Variants in SMTNL2 observed in about 807,000 individuals in gnomAD.
The protein encoded by SMTNL2 is smoothelin-like protein 2.
In SMTNL2, 43 loss-of-function variants were observed where a neutral mutation model predicts 44.1. That is an observed-to-expected ratio of 0.98 (90% CI 0.76 to 1.26). The LOEUF is 1.26. Among genes scored for constraint, SMTNL2 ranks in the 50% most tolerant of loss-of-function variants. SMTNL2 has a pLI of 0.00. For synonymous variants in SMTNL2, 317 were observed against 287.6 expected, an observed-to-expected ratio of 1.10 and a Z score of -1.03; for missense variants, 646 against 670.2, an observed-to-expected ratio of 0.96 and a Z score of 0.40.
rs200675954 is a variant in SMTNL2 at position 4,594,710 on chromosome 17, CTT to C, written c.807-424_807-423del. On this transcript the variant is annotated intron_variant, in intron 4 of 7. Transcript: ENST00000389313. ...GATGGGGGTAGGGTAGCAGGCTTGG[CTT>C]TTTTTTTTTTCTTTAATAATAAAAG... Among the ~76,000 whole-genome samples the C allele has an allele frequency of 7.6e-5, 11 of 145,326 alleles. No individual in the cohort carries two copies. The East Asian group carries it at 8.1e-4, about 11-fold the overall frequency.
Position 4,584,864 on chromosome 17 carries a change from GC to G in SMTNL2, c.261del (p.Ser88AlafsTer58). ...LTRQVEALGL[A>X]SGMSPVPGTP... is the part of the protein sequence containing the mutation. Reference sequence around the variant, plus strand: ...GCGCCAGGTGGAGGCGCTGGGCTTGGCCAGCGGGATGTCCCCGGTGCCCGGC... The same window carrying G: ...GCGCCAGGTGGAGGCGCTGGGCTTGGCAGCGGGATGTCCCCGGTGCCCGGC... On this transcript the variant is annotated frameshift_variant, in exon 1 of 8. Transcript: ENST00000389313. LOFTEE classifies it high-confidence loss of function. 7.6e-7 allele frequency: 1 copy of G among 1,315,210 alleles called. No homozygotes were observed. The highest frequency in any genetic ancestry group is 3.2e-5 in the East Asian group (1 of 30,808). The allele number at this position is 1,315,210 out of a possible 1,614,324, so 81.5% of individuals were successfully genotyped here.
At chr17:4,586,921 A>C (rs576856560) in intron 1 of SMTNL2, among the ~76,000 whole-genome samples, 1 of 152,058 alleles carries the variant, frequency 6.6e-6, no homozygotes, top group East Asian at 1.9e-4. Context: ...ACATGAGGGG[A>C]CTATGGGAAC....
intron 7 of SMTNL2, among the ~76,000 whole-genome samples, chr17:4,604,700 T>C (rs535530636): frequency 2.6e-5 from 4 of 151,732 alleles, no homozygotes; most frequent in Admixed American, 1.3e-4. Context: ...TGAGACAGAG[T>C]CTCGCTCTGT....
intron 1 of SMTNL2, among the ~76,000 whole-genome samples, chr17:4,591,604 G>A (rs75848885): frequency 0.022 from 3,282 of 152,360 alleles, 130 homozygotes; most frequent in African/African-American, 0.075. Flanking sequence ...CCGGAAAAAG[G>A]GCTGGATGTT....
At chr17:4,589,693 G>T (rs1909484572) in intron 1 of SMTNL2, among the ~76,000 whole-genome samples, 1 of 151,952 alleles carries the variant, frequency 6.6e-6, no homozygotes, top group South Asian at 2.1e-4. Flanking sequence ...ATGTGGTCTT[G>T]CCTCTTCCTT....
At position 4,608,156 on chromosome 17, in the gene SMTNL2, G is replaced by C. The variant is rs1910360748; in HGVS notation, c.*669G>C. On this transcript the variant is annotated 3_prime_UTR_variant, in exon 8 of 8. Coordinates refer to ENST00000389313, the MANE Select transcript of SMTNL2 (RefSeq NM_001114974.2). ...CCCCACAAGTGTTTGGCTAAGCACA[G>C]GCTCTCGGGAATTTAACACTTTTGG... The C allele has an allele frequency of 6.6e-6, 1 of 152,182 alleles. No individual in the cohort carries two copies. Among genetic ancestry groups the C allele is most frequent in the Admixed American group, 6.5e-5 (1 of 15,282 alleles). 9.4% of individuals were successfully genotyped at this position (152,182 alleles called of 1,614,324 possible).
chr17:4,586,427 A>G (rs566668763), intron 1 of SMTNL2, among the ~76,000 whole-genome samples: 20 of 151,722 alleles, frequency 1.3e-4, no homozygotes, highest in Admixed American at 9.9e-4. Flanking sequence ...TGCATTTGCT[A>G]TTTGTCTGCT....
chr17:4,606,112 G>C (rs1250318134), intron 7 of SMTNL2, among the ~76,000 whole-genome samples: 1 of 151,686 alleles, frequency 6.6e-6, no homozygotes, highest in Non-Finnish European at 1.5e-5. Flanking sequence ...GCAGCAATGA[G>C]TTTAAGCAAT....
chr17:4,584,659 C>T lies in SMTNL2; in HGVS notation c.54C>T (p.Gly18=). The T allele has an allele frequency of 3.1e-6, 4 of 1,274,834 alleles. No homozygotes were observed. The highest frequency in any genetic ancestry group is 3.9e-6 in the Non-Finnish European group (4 of 1,014,032). The allele number at this position is 1,274,834 out of a possible 1,614,324, so 79.0% of individuals were successfully genotyped here. ...QEARTVREAL[G]RYEAALEGAV... The stretch of plus-strand genomic sequence containing the variant: ...CGCGCACTGTGCGCGAGGCGCTGGG[C>T]CGCTACGAGGCGGCGCTGGAGGGTG... The change falls in exon 1 of 8, where the codon GGC becomes GGT. Residue 18 remains glycine (G), a synonymous_variant. Coordinates refer to ENST00000389313, the MANE Select transcript of SMTNL2 (RefSeq NM_001114974.2).
At chr17:4,584,486 G>C (rs1004420520), upstream of SMTNL2, 10 of 1,131,610 alleles carry the variant, frequency 8.8e-6, no homozygotes, top group African/African-American at 1.6e-4. Context: ...CCCCGCGCCC[G>C]CCTCCCCGGC....
In SMTNL2 at chr17:4,592,831, G is replaced by A; in HGVS notation, c.488-98G>A. 1.3e-6 allele frequency: 2 copies of A among 1,485,976 alleles called. No individual in the cohort carries two copies. The highest frequency in any genetic ancestry group is 1.8e-6 in the Non-Finnish European group (2 of 1,106,996). The allele number at this position is 1,485,976 out of a possible 1,614,324, so 92.0% of individuals were successfully genotyped here. A position where few individuals can be genotyped will look rare whatever the true frequency, so the allele number is the denominator to read the frequency against. On this transcript the variant is annotated intron_variant, in intron 2 of 7. Coordinates refer to ENST00000389313, the MANE Select transcript of SMTNL2 (RefSeq NM_001114974.2). The surrounding 1 kb of genome is among the most constrained non-coding windows in gnomAD (Gnocchi z 4.5). ...TCAGGGAGGCCTTCCTAGAGGAGGT[G>A]GGAGGAGGGCCCAGGGAGGCTAGAG...
At chr17:4,603,876 A>G (rs1306640540) in intron 7 of SMTNL2, among the ~76,000 whole-genome samples, 5 of 151,190 alleles carry the variant, frequency 3.3e-5, no homozygotes, top group Non-Finnish European at 1.5e-5. Context: ...ATAGAGTCTC[A>G]CTCTGTCGCC....
chr17:4,595,461 T>G lies in SMTNL2; in HGVS notation c.989+134T>G. 2.1e-4 allele frequency: 270 copies of G among 1,266,502 alleles called. No individual in the cohort carries two copies. The highest frequency in any genetic ancestry group is 2.4e-4 in the Non-Finnish European group (223 of 929,640). The allele number at this position is 1,266,502 out of a possible 1,614,324, so 78.5% of individuals were successfully genotyped here. Reference sequence around the variant, plus strand: ...GCGCTGTTGCCCAGGACAAGATCTCTTGGGCAAGGCACAAAGTTAGGGCTG... The same window carrying G: ...GCGCTGTTGCCCAGGACAAGATCTCGTGGGCAAGGCACAAAGTTAGGGCTG... On this transcript the variant is annotated intron_variant, in intron 5 of 7. Transcript: ENST00000389313. This position sits in a 1 kb window ranked among gnomAD's most constrained non-coding sequence, Gnocchi z 5.1.
At chr17:4,597,872 T>C (rs114304952) in intron 7 of SMTNL2, among the ~76,000 whole-genome samples, 2,857 of 152,278 alleles carry the variant, frequency 0.019, 89 homozygotes, top group African/African-American at 0.062. Flanking sequence ...GGGGTGGCTC[T>C]GGGGTCAGGA....
chr17:4,593,832 C>T lies in SMTNL2; in HGVS notation c.741C>T (p.Ser247=). 6.2e-7 allele frequency: 1 copy of T among 1,613,960 alleles called. No homozygotes were observed. The highest frequency in any genetic ancestry group is 8.5e-7 in the Non-Finnish European group (1 of 1,180,000). Residue 247 remains serine (S), a synonymous_variant, in exon 4 of 8, where the codon TCC becomes TCT. Coordinates refer to ENST00000389313, the MANE Select transcript of SMTNL2 (RefSeq NM_001114974.2). ...CTCTCTCTTCCACAGAGAAGAATTC[C>T]TCTTTCACGTGGTCTGTGCCAAGCT... ...PWTPSPSEKN[S]SFTWSVPSSG...
chr17:4,607,733 G>C lies in SMTNL2; in HGVS notation c.*246G>C, dbSNP rs116423512. The C allele has an allele frequency of 7.8e-4, 366 of 469,262 alleles. 2 individuals are homozygous for C. The highest frequency in any genetic ancestry group is 6.8e-3 in the African/African-American group (347 of 50,962). 29.1% of individuals were successfully genotyped at this position (469,262 alleles called of 1,614,324 possible). ...GAGGAAAAGGAAAAATTATGAGAGA[G>C]AGAGAGACATTGGTGCTAAGTAATG... On this transcript the variant is annotated 3_prime_UTR_variant, in exon 8 of 8. Coordinates refer to ENST00000389313, the MANE Select transcript of SMTNL2 (RefSeq NM_001114974.2). The surrounding 1 kb of genome is among the most constrained non-coding windows in gnomAD (Gnocchi z 4.7).
At chr17:4,594,309 C>T (rs763822472) in intron 4 of SMTNL2, among the ~76,000 whole-genome samples, 22 of 152,012 alleles carry the variant, frequency 1.4e-4, no homozygotes, top group Non-Finnish European at 3.1e-4. Context: ...ATTAGCTGGG[C>T]ATGGTGGTGG....
At chr17:4,591,803 C>T (rs527425657) in intron 1 of SMTNL2, among the ~76,000 whole-genome samples, 4 of 152,360 alleles carry the variant, frequency 2.6e-5, no homozygotes, top group Admixed American at 1.3e-4. Flanking sequence ...CTACTACTGC[C>T]CAGCTGGGAT....
intron 7 of SMTNL2, among the ~76,000 whole-genome samples, chr17:4,599,587 C>T (rs1025707876): frequency 1.3e-5 from 2 of 152,192 alleles, no homozygotes; most frequent in African/African-American, 2.4e-5. Flanking sequence ...CAGTGATGCC[C>T]GCTTATGCCC....
Sources: gnomAD v4.1 joint callset for allele counts (sites outside exome capture counted in the v4.1 genomes callset) on GRCh38, gnomAD v4.1.1 for gene constraint, Gnocchi (gnomAD v3.1) non-coding constraint, MANE v1.5 for transcripts, NCBI Gene and HGNC (gene_info 2026-07-23, HGNC 2026-07-21) for gene names.